The following PDZRN3 variants were observed in gnomAD, a reference collection of about 807,000 sequenced individuals.
PDZRN3 encodes the protein E3 ubiquitin-protein ligase PDZRN3.
In PDZRN3, 38 loss-of-function variants were observed where a neutral mutation model predicts 85.7. That is an observed-to-expected ratio of 0.44 (90% CI 0.34 to 0.58). The LOEUF (loss-of-function observed/expected upper bound fraction) is 0.58, where lower values mean the gene tolerates loss of function less well. Among genes scored for constraint, PDZRN3 ranks in the 20% least tolerant of loss-of-function variants. The pLI is 0.01. For missense variants in PDZRN3, 1,629 were observed against 1,506.4 expected, an observed-to-expected ratio of 1.08 and a Z score of -1.35; for synonymous variants, 759 against 638.0, an observed-to-expected ratio of 1.19 and a Z score of -2.86.
At chr3:73,510,252 C>T (rs895368044) in intron 3 of PDZRN3, among the ~76,000 whole-genome samples, 3 of 152,144 alleles carry the variant, frequency 2.0e-5, no homozygotes, top group African/African-American at 7.2e-5. Context: ...CAAGCACGAC[C>T]GTAATAAATA....
chr3:73,584,075 T>TTC (rs71126881), intron 3 of PDZRN3, among the ~76,000 whole-genome samples: 25,194 of 151,622 alleles, frequency 0.17, 4,190 homozygotes, highest in African/African-American at 0.43. Flanking sequence ...GGCAGTTCTC[T>TTC]TCTCTCTCTG....
chr3:73,592,871 C>T (rs184027496), intron 3 of PDZRN3, among the ~76,000 whole-genome samples: 5 of 152,222 alleles, frequency 3.3e-5, no homozygotes, highest in Admixed American at 6.5e-5. Flanking sequence ...ACACTCTTTC[C>T]GCCTGTTCAT....
rs200334036 is a variant in PDZRN3, at chr3:73,584,290, GA to G, written c.918+18063del. Among the ~76,000 whole-genome samples the G allele has an allele frequency of 8.3e-3, 1,261 of 152,174 alleles. 10 individuals are homozygous for G. The highest frequency in any genetic ancestry group is 0.02 in the Middle Eastern group (6 of 294). On this transcript the variant is annotated intron_variant, in intron 3 of 9. Coordinates refer to ENST00000263666, the MANE Select transcript of PDZRN3 (RefSeq NM_015009.3). ...ACAGGGGTTAAGTTAGGAAGGAAAG[GA>G]AAAAAATGATCAATAGAGAAGAATA...
chr3:73,544,416 AAG>A (rs1290428878), intron 3 of PDZRN3, among the ~76,000 whole-genome samples: 1 of 152,200 alleles, frequency 6.6e-6, no homozygotes, highest in African/African-American at 2.4e-5. Flanking sequence ...AAGCCTTTAA[AAG>A]AGTGGCTTTT....
chr3:73,418,033 T>A lies in PDZRN3; in HGVS notation c.919-13638A>T, dbSNP rs1326923629. Among the ~76,000 whole-genome samples the A allele has an allele frequency of 2.0e-5, 3 of 152,350 alleles. No individual in the cohort carries two copies. The East Asian group carries it at 5.8e-4, about 29-fold the overall frequency. On this transcript the variant is annotated intron_variant, in intron 3 of 9. Transcript: ENST00000263666. ...AGTGTGTACTTCTTTCTCAAAGATT[T>A]ATAAATGTGATTTACAAATGGCACA...
intron 3 of PDZRN3, among the ~76,000 whole-genome samples, chr3:73,409,079 T>A (rs1701913286): frequency 6.6e-6 from 1 of 152,208 alleles, no homozygotes; most frequent in African/African-American, 2.4e-5. Context: ...GCAAACTTTA[T>A]TATAAATTAA....
intron 3 of PDZRN3, among the ~76,000 whole-genome samples, chr3:73,459,207 C>G (rs184674292): frequency 2.6e-4 from 40 of 152,182 alleles, no homozygotes; most frequent in Non-Finnish European, 4.4e-4. Flanking sequence ...AAGAACAGTA[C>G]TGGGGAAACC....
intron 3 of PDZRN3, among the ~76,000 whole-genome samples, chr3:73,574,996 GA>G (rs1333529279): frequency 6.6e-6 from 1 of 152,210 alleles, no homozygotes; most frequent in Admixed American, 6.5e-5. Flanking sequence ...TGTTGTACAA[GA>G]GAGCAAAGTG....
intron 5 of PDZRN3, among the ~76,000 whole-genome samples, chr3:73,393,908 A>G (rs1454464136): frequency 6.6e-6 from 1 of 152,168 alleles, no homozygotes; most frequent in East Asian, 1.9e-4. Context: ...TTTCTGTTCT[A>G]TCTTTTGTCA....
intron 3 of PDZRN3, among the ~76,000 whole-genome samples, chr3:73,506,654 A>T (rs1440498394): frequency 3.3e-5 from 5 of 152,232 alleles, no homozygotes; most frequent in Non-Finnish European, 5.9e-5. Flanking sequence ...AGCAATAGTC[A>T]CAACTTTTCT....
intron 3 of PDZRN3, among the ~76,000 whole-genome samples, chr3:73,542,837 A>T (rs1192105402): frequency 3.9e-5 from 6 of 152,184 alleles, no homozygotes; most frequent in South Asian, 2.1e-4. Flanking sequence ...TCATTACATG[A>T]GACACACATA....
At chr3:73,463,090 T>TC (rs1448857965) in intron 3 of PDZRN3, among the ~76,000 whole-genome samples, 1 of 152,108 alleles carries the variant, frequency 6.6e-6, no homozygotes, top group African/African-American at 2.4e-5. Flanking sequence ...AAGGACGGCA[T>TC]ACATGTGAGA....
At chr3:73,476,636 T>A (rs1270671444) in intron 3 of PDZRN3, among the ~76,000 whole-genome samples, 1 of 152,214 alleles carries the variant, frequency 6.6e-6, no homozygotes. Context: ...AGACACCGCA[T>A]CTTCCATTTT....
At chr3:73,559,460 G>A (rs937126264) in intron 3 of PDZRN3, among the ~76,000 whole-genome samples, 3 of 152,102 alleles carry the variant, frequency 2.0e-5, no homozygotes, top group Admixed American at 1.3e-4. Context: ...AAAACCTTCC[G>A]AACTTGTCTC....
At chr3:73,610,290 T>A (rs57599491) in intron 1 of PDZRN3, among the ~76,000 whole-genome samples, 1,686 of 152,306 alleles carry the variant, frequency 0.011, 31 homozygotes, top group African/African-American at 0.039. Context: ...CTAGTCTCTA[T>A]CAAGTTACTG....
intron 3 of PDZRN3, among the ~76,000 whole-genome samples, chr3:73,442,859 A>T (rs1702668860): frequency 6.6e-6 from 1 of 152,154 alleles, no homozygotes; most frequent in Non-Finnish European, 1.5e-5. Context: ...TTCACTGGCC[A>T]CTTTCAGCTG....
intron 3 of PDZRN3, among the ~76,000 whole-genome samples, chr3:73,513,169 C>T (rs920640039): frequency 2.6e-5 from 4 of 152,138 alleles, no homozygotes; most frequent in Non-Finnish European, 5.9e-5. Flanking sequence ...CCCAGGCTTC[C>T]CAAGAGTTAA....
chr3:73,569,785 G>A (rs75989938), intron 3 of PDZRN3, among the ~76,000 whole-genome samples: 2,580 of 152,304 alleles, frequency 0.017, 70 homozygotes, highest in African/African-American at 0.059. Flanking sequence ...AGGAACTCTC[G>A]AGGGGTTGAG....
At chr3:73,437,422 C>T (rs1702551313) in intron 3 of PDZRN3, among the ~76,000 whole-genome samples, 1 of 152,200 alleles carries the variant, frequency 6.6e-6, no homozygotes, top group Non-Finnish European at 1.5e-5. Flanking sequence ...AGTATAACAT[C>T]TTGCTATTTT....
Sources: allele counts gnomAD v4.1 joint callset (sites outside exome capture counted in the v4.1 genomes callset), GRCh38; gene constraint gnomAD v4.1.1; transcripts MANE v1.5; gene names NCBI Gene and HGNC (gene_info 2026-07-23, HGNC 2026-07-21).